ZMYM2: variants seen among roughly 807,000 people sequenced by gnomAD.
The protein encoded by ZMYM2 is zinc finger MYM-type containing 2, also known as zinc finger MYM-type protein 2.
A neutral mutation model predicts 162.8 loss-of-function variants in ZMYM2; 56 were observed. The observed-to-expected ratio is 0.34, with a 90% CI of 0.28 to 0.43. The LOEUF is 0.43. Ranked by LOEUF, ZMYM2 falls within the 20% of genes least tolerant of loss-of-function variation. The pLI is 1.00. For synonymous variants in ZMYM2, 510 were observed against 541.6 expected (o/e 0.94, Z 0.81); for missense variants, 1,275 against 1,621.8 (o/e 0.79, Z 3.67).
At chr13:20,074,491 C>A (rs1593246219) in intron 21 of ZMYM2, among the ~76,000 whole-genome samples, 1 of 151,928 alleles carries the variant, frequency 6.6e-6, no homozygotes, top group African/African-American at 2.4e-5. Flanking sequence ...CTTCCTCAGC[C>A]TCCCAAAGTG....
the ZMYM2 span, among the ~76,000 whole-genome samples, chr13:19,866,519 G>C: frequency 6.6e-6 from 1 of 152,022 alleles, no homozygotes; most frequent in Non-Finnish European, 1.5e-5. Flanking sequence ...TACAAAAGTA[G>C]CCGGGCGTGG....
At chr13:19,927,730 T>C in the ZMYM2 span, among the ~76,000 whole-genome samples, 1 of 152,188 alleles carries the variant, frequency 6.6e-6, no homozygotes, top group African/African-American at 2.4e-5. Flanking sequence ...TAATTTCCGA[T>C]GTGGTTGGAC....
chr13:19,891,438 G>A, the ZMYM2 span, among the ~76,000 whole-genome samples: 1 of 151,154 alleles, frequency 6.6e-6, no homozygotes, highest in African/African-American at 2.4e-5. Flanking sequence ...GGCACCCAGA[G>A]CTAATACCGT....
intron 24 of ZMYM2, among the ~76,000 whole-genome samples, chr13:20,084,029 A>G (rs1047485950): frequency 6.6e-6 from 1 of 152,068 alleles, no homozygotes. Flanking sequence ...TTTCTTTTGG[A>G]GATGGGGTCT....
chr13:19,896,981 G>A, the ZMYM2 span, among the ~76,000 whole-genome samples: 4 of 151,112 alleles, frequency 2.6e-5, no homozygotes, highest in East Asian at 7.8e-4. Flanking sequence ...GCTGAGGCAG[G>A]AGAATTGCTT....
At chr13:20,044,820 C>T (rs1215090128) in intron 12 of ZMYM2, among the ~76,000 whole-genome samples, 2 of 151,690 alleles carry the variant, frequency 1.3e-5, no homozygotes, top group South Asian at 4.2e-4. Context: ...GAGGCCAAGG[C>T]GGGCAGATCA....
At chr13:20,051,153 A>G (rs1463391766) in intron 12 of ZMYM2, among the ~76,000 whole-genome samples, 2 of 151,918 alleles carry the variant, frequency 1.3e-5, no homozygotes, top group Non-Finnish European at 2.9e-5. Context: ...ATTAAAATAC[A>G]TTCATTTGGT....
the ZMYM2 span, among the ~76,000 whole-genome samples, chr13:19,865,472 T>A: frequency 6.6e-6 from 1 of 152,162 alleles, no homozygotes; most frequent in East Asian, 1.9e-4. Context: ...ATTTTTTAGG[T>A]CCTCAGTTAC....
At chr13:20,021,979 G>A (rs189365748) in intron 7 of ZMYM2, among the ~76,000 whole-genome samples, 5 of 152,270 alleles carry the variant, frequency 3.3e-5, no homozygotes, top group Admixed American at 3.3e-4. Flanking sequence ...AGTGAAACTA[G>A]TAAGTAGGCT....
In ZMYM2 at chr13:20,031,877, T is replaced by TC. The variant is rs1338617766; in HGVS notation, c.1968+442_1968+443insC. ...CAATTCTGTAATTGTTTTTTTTTTT[T>TC]TTTTTCTTTTTTTCTCAGAGTCTTG... On this transcript the variant is annotated intron_variant, in intron 10 of 24. Transcript: ENST00000610343. Among the ~76,000 whole-genome samples, 22 of 148,962 alleles carry TC rather than the reference T, an allele frequency of 1.5e-4. 1 individual carries two copies. The South Asian group carries it at 2.8e-3, about 19-fold the overall frequency.
At chr13:19,976,496 C>T (rs1956807566) in intron 2 of ZMYM2, among the ~76,000 whole-genome samples, 7 of 151,952 alleles carry the variant, frequency 4.6e-5, no homozygotes, top group Admixed American at 3.3e-4. Context: ...TTCACATTGT[C>T]ACACAGGAGA....
intron 5 of ZMYM2, among the ~76,000 whole-genome samples, chr13:20,006,126 G>A (rs761682676): frequency 6.6e-6 from 1 of 152,036 alleles, no homozygotes; most frequent in Non-Finnish European, 1.5e-5. Context: ...TCAGCTACTC[G>A]GGAGGCTGAG....
the ZMYM2 span, among the ~76,000 whole-genome samples, chr13:19,909,453 CAA>C: frequency 9.2e-6 from 1 of 108,948 alleles, no homozygotes; most frequent in African/African-American, 3.4e-5. Context: ...TTTTTTGAGA[CAA>C]GAGTTTCACT....
the ZMYM2 span, among the ~76,000 whole-genome samples, chr13:19,910,120 G>A: frequency 2.6e-5 from 4 of 151,812 alleles, no homozygotes; most frequent in Non-Finnish European, 5.9e-5. Flanking sequence ...CCAGCTACTC[G>A]GGAGGCTGAG....
At chr13:19,997,369 T>G (rs377497664) in intron 3 of ZMYM2, among the ~76,000 whole-genome samples, 1 of 152,220 alleles carries the variant, frequency 6.6e-6, no homozygotes, top group Non-Finnish European at 1.5e-5. Flanking sequence ...CTAAATATTA[T>G]GATTACTCCC....
the ZMYM2 span, among the ~76,000 whole-genome samples, chr13:19,889,403 C>A: frequency 6.6e-6 from 1 of 152,010 alleles, no homozygotes; most frequent in Non-Finnish European, 1.5e-5. Flanking sequence ...ACTGCAACCT[C>A]TGCCTCCCGG....
chr13:19,898,530 G>A, the ZMYM2 span, among the ~76,000 whole-genome samples: 1 of 152,152 alleles, frequency 6.6e-6, no homozygotes, highest in African/African-American at 2.4e-5. Context: ...ACCGCACCCA[G>A]CCAAGAACAC....
chr13:20,026,273 A>G (rs1952572412), intron 7 of ZMYM2: 1 of 165,694 alleles, frequency 6.0e-6, no homozygotes, highest in Non-Finnish European at 1.3e-5. Flanking sequence ...GTCAAATGAC[A>G]AAGAAGTATG....
intron 12 of ZMYM2, among the ~76,000 whole-genome samples, chr13:20,047,992 T>G (rs259793): frequency 6.6e-6 from 1 of 152,030 alleles, no homozygotes; most frequent in Non-Finnish European, 1.5e-5. Flanking sequence ...AATTTAGTAT[T>G]GTAATACAAT....
Sources: allele counts gnomAD v4.1 joint callset (sites outside exome capture counted in the v4.1 genomes callset), GRCh38; gene constraint gnomAD v4.1.1; transcripts MANE v1.5; gene names NCBI Gene and HGNC (gene_info 2026-07-23, HGNC 2026-07-21).